The following GDAP2 variants were observed in gnomAD, a reference collection of about 807,000 sequenced individuals.
GDAP2 encodes ganglioside induced differentiation associated protein 2.
In GDAP2, 51 loss-of-function variants were observed where a neutral mutation model predicts 67.0. That is an observed-to-expected ratio of 0.76 (90% confidence interval 0.61 to 0.96). The LOEUF is 0.96. Among genes scored for constraint, GDAP2 ranks in the 40% least tolerant of loss-of-function variants. The pLI, the probability that GDAP2 is intolerant of heterozygous loss-of-function variation, is 0.00. For missense variants in GDAP2, 547 were observed against 588.3 expected (o/e 0.93, Z 0.73); for synonymous variants, 203 against 207.3 (o/e 0.98, Z 0.18).
chr1:117,908,115 ACTC>A (rs1649723743), intron 5 of GDAP2, among the ~76,000 whole-genome samples: 2 of 151,348 alleles, frequency 1.3e-5, no homozygotes, highest in South Asian at 4.2e-4. Context: ...CTTTTGGTGA[ACTC>A]CTACTCATTT....
chr1:117,899,328 AC>A, intron 6 of GDAP2, 112 bp from the exon 7 acceptor site: 1 of 710,796 alleles, frequency 1.4e-6, no homozygotes, highest in Non-Finnish European at 2.4e-6. Context: ...AAGAATAAAG[AC>A]TTTACCACTT....
chr1:117,923,617 T>TC (rs543768785), intron 1 of GDAP2, among the ~76,000 whole-genome samples: 4 of 151,638 alleles, frequency 2.6e-5, no homozygotes, highest in Admixed American at 6.6e-5. Flanking sequence ...GTGAACTTTC[T>TC]CCCCCCCAAA....
At chr1:117,910,376 T>G (rs887678612) in intron 5 of GDAP2, among the ~76,000 whole-genome samples, 4 of 152,164 alleles carry the variant, frequency 2.6e-5, no homozygotes, top group African/African-American at 9.6e-5. Context: ...ATGTCAAGCA[T>G]TCAAGATAAA....
intron 8 of GDAP2, among the ~76,000 whole-genome samples, chr1:117,895,470 A>G (rs554335048): frequency 6.6e-6 from 1 of 152,312 alleles, no homozygotes; most frequent in South Asian, 2.1e-4. Flanking sequence ...TGTGATAAAT[A>G]TTGATAGATA....
chr1:117,886,709 G>A (rs1293867505), intron 9 of GDAP2, 56 bp from the exon 10 acceptor site: 1 of 878,768 alleles, frequency 1.1e-6, no homozygotes, highest in Non-Finnish European at 2.0e-6. Flanking sequence ...AATACTATTT[G>A]TCTTGGGCTC....
chr1:117,884,627 G>A lies in GDAP2; in HGVS notation c.1108-1000C>T, dbSNP rs146957312. Among the ~76,000 whole-genome samples, 1,252 of 152,100 alleles carry A rather than the reference G, an allele frequency of 8.2e-3. 12 individuals carry two copies. The highest frequency in any genetic ancestry group is 0.011 in the Non-Finnish European group (765 of 67,984). Reference sequence around the variant, plus strand: ...CACCATCTATCTCAATATTTTACAGGAAATGATACATCATGAATATCCAGA... The same window carrying A: ...CACCATCTATCTCAATATTTTACAGAAAATGATACATCATGAATATCCAGA... On this transcript the variant is annotated intron_variant, in intron 10 of 13. Coordinates refer to ENST00000369443, the MANE Select transcript of GDAP2 (RefSeq NM_017686.4).
rs929348756 is a variant in GDAP2, at chr1:117,912,588, G to A, written c.412C>T (p.Arg138Cys). ...TVGPKYKSRY[R>C]TAAESSLYSC... is the part of the protein sequence containing the mutation. ...TAAAGGGAACTCTCAGCTGCTGTGC[G>A]ATAGCGGCTTTTATATTTAGGTCCC... is the stretch of plus-strand genomic sequence containing the variant. Residue 138 changes from arginine (R) to cysteine (C), a missense_variant, in exon 4 of 14, where the codon CGC becomes TGC. Coordinates refer to ENST00000369443, the MANE Select transcript of GDAP2 (RefSeq NM_017686.4). 5.6e-6 allele frequency: 9 copies of A among 1,612,958 alleles called. No homozygotes were observed. The highest frequency in any genetic ancestry group is 2.7e-5 in the African/African-American group (2 of 74,884).
At chr1:117,920,450 T>G (rs1650209628) in intron 1 of GDAP2, 26 bp from the exon 2 acceptor site, 2 of 767,774 alleles carry the variant, frequency 2.6e-6, no homozygotes, top group Non-Finnish European at 4.2e-6. Context: ...AAGAATCACT[T>G]TAATAGAGAA....
At position 117,870,346 on chromosome 1, in the gene GDAP2, T is replaced by C. The variant is rs906801103; in HGVS notation, c.*223A>G. ...AACAATCTAAAAATGAACATTTCCA[T>C]TTCATATAAATATACAAATTTAAAA... On this transcript the variant is annotated 3_prime_UTR_variant, in exon 14 of 14. Coordinates refer to ENST00000369443, the MANE Select transcript of GDAP2 (RefSeq NM_017686.4). 5.7e-6 allele frequency: 3 copies of C among 522,366 alleles called. No individual in the cohort carries two copies. In the African/African-American group the frequency reaches 5.9e-5, roughly 10 times the overall value. The allele number at this position is 522,366 out of a possible 1,614,324, so 32.4% of individuals were successfully genotyped here.
intron 8 of GDAP2, among the ~76,000 whole-genome samples, chr1:117,893,114 G>A (rs1649148737): frequency 1.3e-5 from 2 of 152,048 alleles, no homozygotes; most frequent in African/African-American, 2.4e-5. Context: ...AGCTTAATAA[G>A]TATTTAATAA....
chr1:117,868,157 A>G lies in GDAP2; in HGVS notation c.*2412T>C, dbSNP rs776978108. ...CCTTTTCACAAAGGCAGATTGGTATACCAAATGTTGCTTAATCATTTCAAT... is the reference window on the plus strand; with the variant it reads ...CCTTTTCACAAAGGCAGATTGGTATGCCAAATGTTGCTTAATCATTTCAAT... On this transcript the variant is annotated 3_prime_UTR_variant, in exon 14 of 14. Transcript: ENST00000369443. 1.3e-5 allele frequency: 2 copies of G among 152,184 alleles called. No individual in the cohort carries two copies. Among genetic ancestry groups the G allele is most frequent in the African/African-American group, 2.4e-5 (1 of 41,442 alleles). The allele number at this position is 152,184 out of a possible 1,614,324, so 9.4% of individuals were successfully genotyped here. A position where few individuals can be genotyped will look rare whatever the true frequency, so the allele number is the denominator to read the frequency against.
chr1:117,918,206 A>C (rs1650115718), intron 3 of GDAP2, among the ~76,000 whole-genome samples: 1 of 152,214 alleles, frequency 6.6e-6, no homozygotes, highest in Admixed American at 6.5e-5. Flanking sequence ...TTTGGGCACA[A>C]ATAACAAAGG....
intron 12 of GDAP2, among the ~76,000 whole-genome samples, chr1:117,881,321 C>T (rs1648640494): frequency 6.6e-6 from 1 of 152,104 alleles, no homozygotes; most frequent in Middle Eastern, 3.2e-3. Context: ...AGCAAGACTG[C>T]TATATTCTAG....
chr1:117,911,547 C>T (rs1649855529), intron 5 of GDAP2, among the ~76,000 whole-genome samples: 1 of 151,956 alleles, frequency 6.6e-6, no homozygotes, highest in Admixed American at 6.6e-5. Context: ...GGGGGCCGTC[C>T]AATTCAAATC....
chr1:117,889,306 T>C (rs989381514), intron 8 of GDAP2, among the ~76,000 whole-genome samples: 1 of 150,430 alleles, frequency 6.6e-6, no homozygotes, highest in Non-Finnish European at 1.5e-5. Context: ...TTATCTCACA[T>C]ATTTATCATT....
intron 13 of GDAP2, among the ~76,000 whole-genome samples, chr1:117,877,016 T>G (rs1350329781): frequency 6.6e-6 from 1 of 152,224 alleles, no homozygotes; most frequent in Admixed American, 6.5e-5. Flanking sequence ...TCCAGCAATC[T>G]GCAGTAAATA....
intron 7 of GDAP2, among the ~76,000 whole-genome samples, chr1:117,898,535 A>G (rs1423740407): frequency 6.6e-6 from 1 of 152,168 alleles, no homozygotes; most frequent in East Asian, 1.9e-4. Context: ...CACAGAAGGG[A>G]CTTAAGACCT....
chr1:117,881,930 C>A (rs889320751), intron 11 of GDAP2, 53 bp from the exon 12 acceptor site: 3 of 911,528 alleles, frequency 3.3e-6, no homozygotes, highest in Non-Finnish European at 5.6e-6. Flanking sequence ...ATGCCTAAAA[C>A]CAATTACTAT....
At chr1:117,907,032 C>T (rs1024527584) in intron 5 of GDAP2, among the ~76,000 whole-genome samples, 1 of 152,170 alleles carries the variant, frequency 6.6e-6, no homozygotes, top group Non-Finnish European at 1.5e-5. Flanking sequence ...TCCATTCATT[C>T]AGTTACAGTA....
Sources: allele counts gnomAD v4.1 joint callset (sites outside exome capture counted in the v4.1 genomes callset), GRCh38; gene constraint gnomAD v4.1.1; transcripts MANE v1.5; gene names NCBI Gene and HGNC (gene_info 2026-07-23, HGNC 2026-07-21).